Variants in CGNL1 observed in about 807,000 individuals in gnomAD.
CGNL1 encodes cingulin like 1.
In CGNL1, 132 loss-of-function variants were observed where a neutral mutation model predicts 141.2. The ratio of observed to expected loss-of-function variants is 0.93; its 90% CI spans 0.81 to 1.08. The LOEUF is 1.08. Among genes scored for constraint, CGNL1 ranks in the 50% least tolerant of loss-of-function variants. The probability of loss-of-function intolerance (pLI) is 0.00; values close to 1 mark genes in which losing one functional copy is unlikely to be tolerated. For synonymous variants in CGNL1, 690 were observed against 622.1 expected (o/e 1.11, Z -1.63); for missense variants, 1,870 against 1,588.6 (o/e 1.18, Z -3.01).
intron 8 of CGNL1, among the ~76,000 whole-genome samples, chr15:57,470,479 G>T (rs1259748541): frequency 6.6e-6 from 1 of 151,956 alleles, no homozygotes; most frequent in Non-Finnish European, 1.5e-5. Context: ...AACTCTGGGG[G>T]GCTGGGTAAT....
intron 1 of CGNL1, among the ~76,000 whole-genome samples, chr15:57,380,905 A>C (rs1198393607): frequency 6.6e-6 from 1 of 152,226 alleles, no homozygotes; most frequent in Non-Finnish European, 1.5e-5. Context: ...CCGCAGCTGC[A>C]GCACTTTTTG....
intron 8 of CGNL1, among the ~76,000 whole-genome samples, chr15:57,507,351 A>T (rs1008726192): frequency 3.2e-4 from 49 of 152,124 alleles, no homozygotes; most frequent in African/African-American, 1.1e-3. Context: ...TGAGGATTTT[A>T]TTGTCGTAAC....
chr15:57,435,407 GTTTTTTTGTTT>G (rs2063094513), intron 1 of CGNL1, among the ~76,000 whole-genome samples: 1 of 96,864 alleles, frequency 1.0e-5, no homozygotes, highest in Non-Finnish European at 2.3e-5. Context: ...AAATTTGCAG[GTTTTTTTGTTT>G]TTTTTTTTTT....
Position 57,438,492 on chromosome 15 carries a change from C to G in CGNL1, c.493C>G (p.Gln165Glu). Residue 165 changes from glutamine (Q) to glutamate (E), a missense_variant, in exon 2 of 19, where the codon CAA becomes GAA. Physicochemically the swap from Gln to Glu is conservative, Grantham distance 29. Transcript: ENST00000281282. ...CCCTGAAAAGAATGAGTTGAATTTA[C>G]AAAATCACCAGCCTTCTGAGAGTAA... Reference protein sequence around the residue: ...YDPEKNELNLQNHQPSESNWL... With the variant: ...YDPEKNELNLENHQPSESNWL... 1 of 1,614,166 alleles carries G rather than the reference C, an allele frequency of 6.2e-7. No homozygotes were observed.
At chr15:57,504,318 T>G (rs1466711218) in intron 8 of CGNL1, among the ~76,000 whole-genome samples, 1 of 152,134 alleles carries the variant, frequency 6.6e-6, no homozygotes, top group African/African-American at 2.4e-5. Flanking sequence ...GGCTCAGAGT[T>G]GCATGGTTGA....
chr15:57,516,748 C>G (rs1209321813), intron 8 of CGNL1, 32 bp from the exon 9 acceptor site: 20 of 1,605,412 alleles, frequency 1.2e-5, no homozygotes, highest in Non-Finnish European at 1.5e-5. Context: ...TGACATCAGT[C>G]TCCTTGTTCA....
intron 14 of CGNL1, among the ~76,000 whole-genome samples, chr15:57,536,129 A>C (rs1242650357): frequency 1.3e-5 from 2 of 152,218 alleles, no homozygotes; most frequent in Non-Finnish European, 2.9e-5. Flanking sequence ...ACATGGCGGC[A>C]GGCAAAAGAG....
At chr15:57,496,225 C>G (rs2063936111) in intron 8 of CGNL1, among the ~76,000 whole-genome samples, 1 of 152,158 alleles carries the variant, frequency 6.6e-6, no homozygotes, top group African/African-American at 2.4e-5. Context: ...CAAAACGTGA[C>G]TGTTTCTCAG....
At position 57,546,243 on chromosome 15, in the gene CGNL1, G is replaced by C; in HGVS notation, c.3773+4G>C. 2 of 1,570,674 alleles carry C rather than the reference G, an allele frequency of 1.3e-6. No individual in the cohort carries two copies. The highest frequency in any genetic ancestry group is 3.7e-5 in the Admixed American group (2 of 53,626). ...ACTCCATGAAGAAGGACTTAAGGTG[G>C]GCAGGTGTGGAGGCCACAGAGGGCC... On this transcript the variant is annotated splice_donor_region_variant and intron_variant, in intron 18 of 18. Transcript: ENST00000281282.
chr15:57,523,283 G>A (rs1250101274), intron 10 of CGNL1, among the ~76,000 whole-genome samples: 2 of 152,164 alleles, frequency 1.3e-5, no homozygotes, highest in Non-Finnish European at 2.9e-5. Flanking sequence ...ATGTTTTTGG[G>A]TAAGTCAACT....
chr15:57,472,698 C>T (rs1016209156), intron 8 of CGNL1, among the ~76,000 whole-genome samples: 1 of 152,098 alleles, frequency 6.6e-6, no homozygotes. Context: ...ATGTAGGGCC[C>T]CATTTTCCTT....
intron 7 of CGNL1, 120 bp from the exon 8 acceptor site, chr15:57,461,560 G>A (rs1048850934): frequency 3.8e-6 from 3 of 786,314 alleles, no homozygotes; most frequent in Non-Finnish European, 6.6e-6. Flanking sequence ...TGTGGAAGGA[G>A]AGAGTGGCAA....
chr15:57,393,856 CAATT>C (rs1320997536), intron 1 of CGNL1: 2 of 151,506 alleles, frequency 1.3e-5, no homozygotes, highest in East Asian at 3.9e-4. Flanking sequence ...AGTATGATAA[CAATT>C]AATGATACTA....
chr15:57,410,862 T>A (rs1381915339), intron 1 of CGNL1, among the ~76,000 whole-genome samples: 1 of 152,200 alleles, frequency 6.6e-6, no homozygotes, highest in South Asian at 2.1e-4. Context: ...GAGACTGAAG[T>A]TCGTAACGTT....
At position 57,452,237 on chromosome 15, in the gene CGNL1, T is replaced by C; in HGVS notation, c.2002T>C (p.Leu668=). 6.2e-7 allele frequency: 1 copy of C among 1,614,024 alleles called. No individual in the cohort carries two copies. Among genetic ancestry groups the C allele is most frequent in the South Asian group, 1.1e-5 (1 of 91,058 alleles). ...HNEKVEENST[L]QQRLEESEGE... is the part of the protein sequence containing the mutation. The stretch of plus-strand genomic sequence containing the variant: ...CGAAAAGGTGGAGGAGAACTCCACA[T>C]TGCAGCAACGACTGGAAGAAAGTGA... Residue 668 remains leucine, a synonymous_variant, in exon 6 of 19, where the codon TTG becomes CTG. Coordinates refer to ENST00000281282, the MANE Select transcript of CGNL1 (RefSeq NM_032866.5).
intron 1 of CGNL1, 37 bp from the exon 2 acceptor site, chr15:57,437,948 C>G: frequency 1.3e-6 from 2 of 1,524,288 alleles, no homozygotes; most frequent in South Asian, 2.4e-5. Context: ...GTAATTCTAA[C>G]CTAATGTCCT....
In CGNL1 at chr15:57,463,463, A is replaced by G. The variant is rs190733314; in HGVS notation, c.2403+1571A>G. Among the ~76,000 whole-genome samples, 690 of 152,320 alleles carry G rather than the reference A, an allele frequency of 4.5e-3. 2 individuals carry two copies. The highest frequency in any genetic ancestry group is 0.016 in the African/African-American group (651 of 41,570). On this transcript the variant is annotated intron_variant, in intron 8 of 18. Transcript: ENST00000281282. ...TACATTGACCCATATCAGTCTGTAAAAACGAAACAGGCGAAGTAGTCAAGA... is the reference window on the plus strand; with the variant it reads ...TACATTGACCCATATCAGTCTGTAAGAACGAAACAGGCGAAGTAGTCAAGA...
intron 8 of CGNL1, among the ~76,000 whole-genome samples, chr15:57,490,916 A>T (rs1376380458): frequency 1.3e-5 from 2 of 152,168 alleles, no homozygotes; most frequent in African/African-American, 4.8e-5. Flanking sequence ...CATCAGACAA[A>T]TTCCAATTGA....
At chr15:57,522,794 G>T (rs2140132448) in intron 10 of CGNL1, among the ~76,000 whole-genome samples, 1 of 152,278 alleles carries the variant, frequency 6.6e-6, no homozygotes, top group Non-Finnish European at 1.5e-5. Flanking sequence ...TGTATTTTAT[G>T]GTAGGCACTA....
Sources: allele counts gnomAD v4.1 joint callset (sites outside exome capture counted in the v4.1 genomes callset), GRCh38; gene constraint gnomAD v4.1.1; transcripts MANE v1.5; gene names NCBI Gene and HGNC (gene_info 2026-07-23, HGNC 2026-07-21).